The following ITGB3BP variants were observed in gnomAD, a reference collection of about 807,000 sequenced individuals.
ITGB3BP encodes integrin subunit beta 3 binding protein.
A neutral mutation model predicts 29.1 loss-of-function variants in ITGB3BP; 27 were observed. That is an observed-to-expected ratio of 0.93 (90% CI 0.68 to 1.28). ITGB3BP has a LOEUF of 1.28. Ranked by LOEUF, ITGB3BP falls within the 50% of genes most tolerant of loss-of-function variation. The pLI is 0.00. For synonymous variants in ITGB3BP, 61 were observed against 61.4 expected, an observed-to-expected ratio of 0.99 and a Z score of 0.03; for missense variants, 192 against 200.2, an observed-to-expected ratio of 0.96 and a Z score of 0.25.
chr1:63,515,044 A>G (rs1182803671), intron 1 of ITGB3BP, among the ~76,000 whole-genome samples: 1 of 151,910 alleles, frequency 6.6e-6, no homozygotes, highest in Non-Finnish European at 1.5e-5. Flanking sequence ...ATAATTTATC[A>G]TTTTTTCTTT....
upstream of ITGB3BP, chr1:63,525,812 T>C (rs919797889): frequency 7.9e-7 from 1 of 1,267,444 alleles, no homozygotes; most frequent in African/African-American, 1.6e-5. Flanking sequence ...AGTTAATAAA[T>C]AGGTCCGAAA....
At chr1:63,443,088 G>T (rs2100460413) in intron 8 of ITGB3BP, 1 of 152,288 alleles carries the variant, frequency 6.6e-6, no homozygotes, top group Non-Finnish European at 1.5e-5. Flanking sequence ...CCTCCCCACT[G>T]AACAATTACA....
intron 2 of ITGB3BP, among the ~76,000 whole-genome samples, chr1:63,497,559 G>C (rs996665662): frequency 3.9e-5 from 6 of 152,160 alleles, no homozygotes; most frequent in South Asian, 2.1e-4. Context: ...CTCATCCTGG[G>C]GGGGAGACTA....
At chr1:63,524,069 T>C (rs542490112), upstream of ITGB3BP, among the ~76,000 whole-genome samples, 2 of 152,264 alleles carry the variant, frequency 1.3e-5, no homozygotes, top group African/African-American at 4.8e-5. Context: ...TAAGCTTTAG[T>C]TTGGTTTCTC....
chr1:63,523,224 A>G lies in ITGB3BP; in HGVS notation c.-91T>C. 6.4e-7 allele frequency: 1 copy of G among 1,571,922 alleles called. No homozygotes were observed. Among genetic ancestry groups the G allele is most frequent in the Non-Finnish European group, 8.7e-7 (1 of 1,144,630 alleles). ...AATCCGCCAAAGGAAACGCCAAGGC[A>G]TGAAAAGCGCGCGCTGGACGTTGCG... is the stretch of plus-strand genomic sequence containing the variant. On this transcript the variant is annotated 5_prime_UTR_variant, in exon 1 of 9. It removes an upstream start codon present in the reference 5' UTR. Transcript: ENST00000271002.
At chr1:63,523,346 C>A (rs1293533909), upstream of ITGB3BP, 10 of 630,648 alleles carry the variant, frequency 1.6e-5, no homozygotes, top group Non-Finnish European at 2.8e-5. Flanking sequence ...AGGCCCAGGA[C>A]AGCACCTATT....
intron 2 of ITGB3BP, among the ~76,000 whole-genome samples, chr1:63,491,198 T>A (rs916899482): frequency 2.0e-5 from 3 of 152,192 alleles, no homozygotes; most frequent in African/African-American, 7.2e-5. Context: ...AATTGTTCCC[T>A]TTCCTGAATT....
At chr1:63,499,559 T>C (rs1160131235) in intron 2 of ITGB3BP, among the ~76,000 whole-genome samples, 2 of 152,132 alleles carry the variant, frequency 1.3e-5, no homozygotes, top group African/African-American at 2.4e-5. Flanking sequence ...TACCAGAACA[T>C]TACAGACCCA....
chr1:63,523,468 C>G, upstream of ITGB3BP: 1 of 407,538 alleles, frequency 2.5e-6, no homozygotes. Flanking sequence ...TCCTAGATTT[C>G]TAGCCGGATC....
At chr1:63,475,740 G>A (rs1645327058) in intron 4 of ITGB3BP, among the ~76,000 whole-genome samples, 1 of 152,130 alleles carries the variant, frequency 6.6e-6, no homozygotes, top group Admixed American at 6.5e-5. Context: ...GCTCATGCCT[G>A]TAATCCCAGC....
intron 4 of ITGB3BP, among the ~76,000 whole-genome samples, chr1:63,478,279 A>G (rs1237444640): frequency 6.6e-6 from 1 of 152,214 alleles, no homozygotes. Context: ...TCCTACGTAG[A>G]CTTTCTGCAG....
chr1:63,505,216 A>G (rs997847693), intron 2 of ITGB3BP, among the ~76,000 whole-genome samples: 6 of 152,198 alleles, frequency 3.9e-5, no homozygotes, highest in Non-Finnish European at 5.9e-5. Flanking sequence ...TCGGAGGTTC[A>G]AATTCTTCCT....
At chr1:63,458,503 T>C (rs959733778) in intron 4 of ITGB3BP, 3 of 150,902 alleles carry the variant, frequency 2.0e-5, no homozygotes, top group African/African-American at 2.4e-5. Flanking sequence ...AGCAAAGGAG[T>C]AGAGCAGATG....
At chr1:63,469,997 C>G (rs1321263863) in intron 4 of ITGB3BP, among the ~76,000 whole-genome samples, 2 of 152,266 alleles carry the variant, frequency 1.3e-5, no homozygotes, top group Non-Finnish European at 2.9e-5. Context: ...CAAACAATAG[C>G]ATGAGCGATC....
chr1:63,501,403 CAGA>C (rs751357625), intron 2 of ITGB3BP, among the ~76,000 whole-genome samples: 13 of 131,928 alleles, frequency 9.9e-5, no homozygotes, highest in Non-Finnish European at 2.0e-4. Context: ...ATGAAATGGT[CAGA>C]AGAAGATCTA....
chr1:63,451,860 A>G (rs1168380528), intron 7 of ITGB3BP: 2 of 152,122 alleles, frequency 1.3e-5, no homozygotes, highest in East Asian at 3.8e-4. Context: ...GAATTGGACA[A>G]TGACTACGTA....
chr1:63,465,273 C>T (rs1028907419), intron 4 of ITGB3BP, among the ~76,000 whole-genome samples: 12 of 152,154 alleles, frequency 7.9e-5, no homozygotes, highest in African/African-American at 2.2e-4. Flanking sequence ...TAACAATTTG[C>T]GACTCTGGGG....
chr1:63,516,419 G>A (rs1416770229), intron 1 of ITGB3BP, among the ~76,000 whole-genome samples: 1 of 151,692 alleles, frequency 6.6e-6, no homozygotes, highest in African/African-American at 2.4e-5. Context: ...GAAAAAAGAG[G>A]AAAGGAAAGC....
At chr1:63,513,112 T>C (rs996937121) in intron 1 of ITGB3BP, among the ~76,000 whole-genome samples, 1 of 152,220 alleles carries the variant, frequency 6.6e-6, no homozygotes, top group African/African-American at 2.4e-5. Context: ...ATATCAGTGA[T>C]ATAAATTTTG....
Sources: gnomAD v4.1 joint callset for allele counts (sites outside exome capture counted in the v4.1 genomes callset) on GRCh38, gnomAD v4.1.1 for gene constraint, MANE v1.5 for transcripts, NCBI Gene and HGNC (gene_info 2026-07-23, HGNC 2026-07-21) for gene names.